The following FBXO11 variants were observed in gnomAD, a reference collection of about 807,000 sequenced individuals.
FBXO11 encodes the protein F-box protein 11.
Under a neutral mutation model 117.0 loss-of-function variants are expected in FBXO11, and 13 were observed. The observed-to-expected ratio is 0.11, with a 90% confidence interval of 0.07 to 0.18. The LOEUF is 0.18. Among genes scored for constraint, FBXO11 ranks in the 10% least tolerant of loss-of-function variants. FBXO11 has a pLI of 1.00. For synonymous variants in FBXO11, 490 were observed against 380.5 expected, an observed-to-expected ratio of 1.29 and a Z score of -3.35; for missense variants, 767 against 1,164.4, an observed-to-expected ratio of 0.66 and a Z score of 4.97.
intron 1 of FBXO11, among the ~76,000 whole-genome samples, chr2:47,848,277 G>A (rs868195816): frequency 2.0e-5 from 3 of 152,214 alleles, no homozygotes; most frequent in Non-Finnish European, 2.9e-5. Flanking sequence ...AGGCGACCAA[G>A]CAATACTGCC....
chr2:47,905,351 G>C, intron 1 of FBXO11, 138 bp downstream of exon 1: 4 of 911,812 alleles, frequency 4.4e-6, no homozygotes, highest in Non-Finnish European at 5.5e-6. Flanking sequence ...GGCACCGGGG[G>C]ACCCGCCTCC....
At chr2:47,883,819 G>A in intron 1 of FBXO11, 1 of 224,158 alleles carries the variant, frequency 4.5e-6, no homozygotes, top group Admixed American at 4.3e-5. Context: ...CCCTTCAGAT[G>A]AATGTGGTGC....
intron 1 of FBXO11, among the ~76,000 whole-genome samples, chr2:47,900,720 GTATACACACACGTGTATATA>G (rs1678131667): frequency 9.2e-6 from 1 of 108,202 alleles, no homozygotes; most frequent in Non-Finnish European, 1.9e-5. Flanking sequence ...ATATATACAC[GTATACACACACGTGTATATA>G]TATACACGTA....
chr2:47,892,908 G>A (rs577506278), intron 1 of FBXO11, among the ~76,000 whole-genome samples: 1 of 152,084 alleles, frequency 6.6e-6, no homozygotes, highest in Admixed American at 6.5e-5. Context: ...TCGCTAGGCT[G>A]CAACAACTTT....
intron 18 of FBXO11, among the ~76,000 whole-genome samples, chr2:47,812,582 A>C (rs1384245031): frequency 1.3e-5 from 2 of 152,222 alleles, no homozygotes; most frequent in African/African-American, 4.8e-5. Context: ...CTGTGGTATT[A>C]AATTTTGTTC....
At chr2:47,848,350 T>G (rs1204096369) in intron 1 of FBXO11, among the ~76,000 whole-genome samples, 1 of 152,160 alleles carries the variant, frequency 6.6e-6, no homozygotes, top group Non-Finnish European at 1.5e-5. Context: ...TGAACCCTAT[T>G]GTGAACTGCA....
At chr2:47,830,418 G>C (rs116477327) in intron 11 of FBXO11, among the ~76,000 whole-genome samples, 8,008 of 152,096 alleles carry the variant, frequency 0.053, 238 homozygotes, top group Non-Finnish European at 0.069. Flanking sequence ...ACAAAACCTA[G>C]CCATACCAAG....
At chr2:47,811,905 T>G (rs2537742) in intron 18 of FBXO11, among the ~76,000 whole-genome samples, 3 of 152,024 alleles carry the variant, frequency 2.0e-5, no homozygotes, top group African/African-American at 4.8e-5. Context: ...CTGTGCCCAG[T>G]TGGTTCTGTC....
chr2:47,838,283 T>C (rs1052313216), intron 4 of FBXO11, among the ~76,000 whole-genome samples: 1 of 152,108 alleles, frequency 6.6e-6, no homozygotes, highest in African/African-American at 2.4e-5. Flanking sequence ...AGTGGTTATA[T>C]CACAACTCTC....
At chr2:47,823,481 G>A (rs1011416114) in intron 11 of FBXO11, 121 bp from the exon 12 acceptor site, 28 of 796,484 alleles carry the variant, frequency 3.5e-5, no homozygotes, top group African/African-American at 8.7e-5. Context: ...AAGGCTGGGC[G>A]TGGTGACTCA....
At chr2:47,830,971 G>C (rs1351836838) in intron 11 of FBXO11, among the ~76,000 whole-genome samples, 1 of 152,032 alleles carries the variant, frequency 6.6e-6, no homozygotes, top group East Asian at 2.0e-4. Context: ...GCTAATTTTT[G>C]TATTTTTTGT....
intron 1 of FBXO11, among the ~76,000 whole-genome samples, chr2:47,863,304 G>C (rs1373993441): frequency 1.3e-5 from 2 of 152,078 alleles, no homozygotes; most frequent in South Asian, 2.1e-4. Context: ...ATAATCACTA[G>C]TTGATTTTAT....
chr2:47,813,691 C>A, intron 17 of FBXO11, 100 bp downstream of exon 17: 1 of 972,986 alleles, frequency 1.0e-6, no homozygotes, highest in East Asian at 2.7e-5. Context: ...TCTCGGCCTC[C>A]CAAAGTGCTG....
chr2:47,878,100 T>C (rs1455706332), intron 1 of FBXO11, among the ~76,000 whole-genome samples: 9 of 152,236 alleles, frequency 5.9e-5, no homozygotes, highest in Non-Finnish European at 1.0e-4. Context: ...TCCAGCACTC[T>C]GGACCTGCAA....
chr2:47,903,526 T>C (rs902876784), intron 1 of FBXO11, among the ~76,000 whole-genome samples: 3 of 152,228 alleles, frequency 2.0e-5, no homozygotes, highest in Admixed American at 6.5e-5. Context: ...CCTCAGTAGC[T>C]AATAATTTTG....
At position 47,818,760 on chromosome 2, in the gene FBXO11, C is replaced by G; in HGVS notation, c.2006+19G>C. The G allele has an allele frequency of 6.4e-7, 1 of 1,553,844 alleles. No individual in the cohort carries two copies. Among genetic ancestry groups the G allele is most frequent in the East Asian group, 2.3e-5 (1 of 44,436 alleles). ...TCCTAACTCCCTCCCAAAAGATAGC[C>G]AAATATGAAAACATTTACCTTATCT... On this transcript the variant is annotated intron_variant, in intron 16 of 22. Coordinates refer to ENST00000403359, the MANE Select transcript of FBXO11 (RefSeq NM_001190274.2).
At chr2:47,842,101 CG>C (rs1673057299) in intron 1 of FBXO11, among the ~76,000 whole-genome samples, 3 of 151,692 alleles carry the variant, frequency 2.0e-5, no homozygotes, top group Non-Finnish European at 4.4e-5. Flanking sequence ...CTGCAACCTC[CG>C]TCTCCTGGGT....
chr2:47,840,008 A>G (rs930893785), intron 1 of FBXO11, among the ~76,000 whole-genome samples: 2 of 151,922 alleles, frequency 1.3e-5, no homozygotes, highest in Non-Finnish European at 2.9e-5. Context: ...CAGTGGCGCA[A>G]TCTCGGCTCA....
chr2:47,838,791 T>C, intron 4 of FBXO11, 68 bp downstream of exon 4: 1 of 1,491,182 alleles, frequency 6.7e-7, no homozygotes, highest in Non-Finnish European at 9.2e-7. Flanking sequence ...CCGACTTTCC[T>C]ACCATGTTTA....
Sources: allele counts gnomAD v4.1 joint callset (sites outside exome capture counted in the v4.1 genomes callset), GRCh38; gene constraint gnomAD v4.1.1; transcripts MANE v1.5; gene names NCBI Gene and HGNC (gene_info 2026-07-23, HGNC 2026-07-21).